STK4: variants seen among roughly 807,000 people sequenced by gnomAD.
The protein encoded by STK4 is serine/threonine-protein kinase 4.
STK4 carries 30 observed loss-of-function variants against 64.9 expected under a neutral mutation model. The observed-to-expected ratio is 0.46, with a 90% CI of 0.35 to 0.63. STK4 has a LOEUF of 0.63. Ranked by LOEUF, STK4 falls within the 20% of genes least tolerant of loss-of-function variation. The pLI is 0.01. For synonymous variants in STK4, 177 were observed against 199.0 expected, an observed-to-expected ratio of 0.89 and a Z score of 0.93; for missense variants, 466 against 598.5, an observed-to-expected ratio of 0.78 and a Z score of 2.31.
chr20:44,976,545 T>C (rs2067340633), intron 2 of STK4, among the ~76,000 whole-genome samples: 1 of 152,182 alleles, frequency 6.6e-6, no homozygotes, highest in Non-Finnish European at 1.5e-5. Context: ...AAAGCTGACT[T>C]CTCAGCCACA....
At chr20:45,035,065 TGA>T (rs952051133) in intron 10 of STK4, among the ~76,000 whole-genome samples, 1 of 152,156 alleles carries the variant, frequency 6.6e-6, no homozygotes, top group Admixed American at 6.5e-5. Flanking sequence ...ACATTATATA[TGA>T]GTGTATTATA....
chr20:45,026,608 T>C (rs1232132547), intron 10 of STK4, among the ~76,000 whole-genome samples: 1 of 152,172 alleles, frequency 6.6e-6, no homozygotes, highest in Non-Finnish European at 1.5e-5. Flanking sequence ...GCTTTTTGTG[T>C]AATAAAAAGG....
chr20:45,025,224 G>T, intron 10 of STK4, 94 bp downstream of exon 10: 1 of 1,455,222 alleles, frequency 6.9e-7, no homozygotes, highest in Non-Finnish European at 9.2e-7. Flanking sequence ...TGCATTTTGA[G>T]TCTCCTAAAC....
intron 5 of STK4, among the ~76,000 whole-genome samples, chr20:44,991,746 TC>T (rs1363386775): frequency 2.0e-5 from 3 of 152,058 alleles, no homozygotes; most frequent in African/African-American, 7.2e-5. Flanking sequence ...CACTGCAGCC[TC>T]AACCACCAGG....
chr20:44,975,399 A>T, intron 2 of STK4: 1 of 983,938 alleles, frequency 1.0e-6, no homozygotes, highest in South Asian at 4.7e-5. Flanking sequence ...TGCTATCAGG[A>T]TGCATAGGGA....
chr20:45,062,018 TA>T (rs1979072739), intron 10 of STK4, among the ~76,000 whole-genome samples: 1 of 152,010 alleles, frequency 6.6e-6, no homozygotes, highest in South Asian at 2.1e-4. Flanking sequence ...TAGCTGGGAT[TA>T]CAGGCATGTG....
At position 45,010,147 on chromosome 20, in the gene STK4, C is replaced by T. The variant is rs539221288; in HGVS notation, c.1147+8794C>T. On this transcript the variant is annotated intron_variant, in intron 9 of 10. Transcript: ENST00000372806. ...GCAGTGGTGCGATCTCGGCTTATTG[C>T]GACCCCTGCCTCCTGGGTTCAAGCA... 7.2e-5 allele frequency among the ~76,000 whole-genome samples: 11 copies of T among 152,148 alleles called. No homozygotes were observed. In the South Asian group the frequency reaches 1.0e-3, roughly 14 times the overall value.
intron 4 of STK4, among the ~76,000 whole-genome samples, chr20:44,984,035 C>G (rs1169939478): frequency 6.6e-6 from 1 of 150,784 alleles, no homozygotes; most frequent in Non-Finnish European, 1.5e-5. Flanking sequence ...TTATATGCAG[C>G]ATTAAGTCAA....
chr20:45,003,059 C>T (rs1442729185), intron 9 of STK4, among the ~76,000 whole-genome samples: 1 of 151,920 alleles, frequency 6.6e-6, no homozygotes, highest in South Asian at 2.1e-4. Context: ...CCCAGGTTAG[C>T]GTACAGTAGG....
At chr20:45,015,034 T>C (rs902142114) in intron 9 of STK4, among the ~76,000 whole-genome samples, 3 of 152,236 alleles carry the variant, frequency 2.0e-5, no homozygotes, top group Non-Finnish European at 4.4e-5. Flanking sequence ...AATGACATAA[T>C]TAAGTTAGGG....
At chr20:44,979,138 A>G (rs2067392242) in intron 3 of STK4, among the ~76,000 whole-genome samples, 1 of 152,106 alleles carries the variant, frequency 6.6e-6, no homozygotes, top group African/African-American at 2.4e-5. Context: ...TTTAGAAACT[A>G]GGAAGAAGAG....
intron 5 of STK4, among the ~76,000 whole-genome samples, chr20:44,988,465 G>C (rs2067569843): frequency 6.7e-6 from 1 of 149,332 alleles, no homozygotes. Flanking sequence ...CTGGGCAACA[G>C]AGTGAGACCC....
chr20:45,069,079 AT>A (rs1979832892), intron 10 of STK4, among the ~76,000 whole-genome samples: 1 of 152,214 alleles, frequency 6.6e-6, no homozygotes, highest in African/African-American at 2.4e-5. Context: ...GGTAAAGGCG[AT>A]GGTGAGGGAA....
At chr20:45,000,964 G>T (rs2067827693) in intron 8 of STK4, among the ~76,000 whole-genome samples, 1 of 152,138 alleles carries the variant, frequency 6.6e-6, no homozygotes, top group Non-Finnish European at 1.5e-5. Context: ...AATTCCTTTA[G>T]GGTTAGATAC....
At chr20:44,981,217 C>T (rs1257512694) in intron 3 of STK4, among the ~76,000 whole-genome samples, 3 of 151,936 alleles carry the variant, frequency 2.0e-5, no homozygotes, top group Non-Finnish European at 4.4e-5. Flanking sequence ...TGCAGTGGCG[C>T]GATTTCGGCT....
Position 44,988,523 on chromosome 20 carries a change from A to ATGTGTGTGTG in STK4, c.525+1229_525+1238dup, listed in dbSNP as rs371237761. Among the ~76,000 whole-genome samples the ATGTGTGTGTG allele has an allele frequency of 6.3e-3, 687 of 108,504 alleles. 16 individuals carry two copies. Among genetic ancestry groups the ATGTGTGTGTG allele is most frequent in the African/African-American group, 0.019 (443 of 23,800 alleles). The allele number at this position is 108,504 out of a possible 152,430, so 71.2% of individuals were successfully genotyped here. ...TGTATGTATGTGTGTGTGTATATAT[A>ATGTGTGTGTG]TGTGTGTGTGTATATATATATATAT... is the stretch of plus-strand genomic sequence containing the variant. On this transcript the variant is annotated intron_variant, in intron 5 of 10. Transcript: ENST00000372806.
intron 10 of STK4, among the ~76,000 whole-genome samples, chr20:45,027,741 A>G (rs2068377493): frequency 6.6e-6 from 1 of 152,104 alleles, no homozygotes; most frequent in Non-Finnish European, 1.5e-5. Context: ...TGTACCCCTT[A>G]ACCAACTTCT....
In STK4 at chr20:44,987,310, T is replaced by C. The variant is rs189360346; in HGVS notation, c.525+14T>C. 3.5e-4 allele frequency: 556 copies of C among 1,595,376 alleles called. No homozygotes were observed. In the African/African-American group the frequency reaches 7.1e-3, roughly 20 times the overall value. The stretch of plus-strand genomic sequence containing the variant: ...GGTCAACTTACAGTAAGTAAAAATA[T>C]TACTTGTATTGATAATTTTCATTTC... On this transcript the variant is annotated intron_variant, in intron 5 of 10. Transcript: ENST00000372806.
chr20:45,023,661 G>A (rs2068289252), intron 9 of STK4, among the ~76,000 whole-genome samples: 1 of 152,062 alleles, frequency 6.6e-6, no homozygotes, highest in Non-Finnish European at 1.5e-5. Context: ...TTTAAATCAT[G>A]CCAGGTAAAA....
Sources: allele counts gnomAD v4.1 joint callset (sites outside exome capture counted in the v4.1 genomes callset), GRCh38; gene constraint gnomAD v4.1.1; transcripts MANE v1.5; gene names NCBI Gene and HGNC (gene_info 2026-07-23, HGNC 2026-07-21).